The following ADGRL2 variants were observed in gnomAD, a reference collection of about 807,000 sequenced individuals.
ADGRL2 encodes the protein adhesion G protein-coupled receptor L2, also known as calcium-independent alpha-latrotoxin receptor 2.
In ADGRL2, 44 loss-of-function variants were observed where a neutral mutation model predicts 157.4. The observed-to-expected ratio is 0.28, with a 90% CI of 0.22 to 0.36. The LOEUF (loss-of-function observed/expected upper bound fraction) is 0.36, where lower values mean the gene tolerates loss of function less well. Ranked by LOEUF, ADGRL2 falls within the 10% of genes least tolerant of loss-of-function variation. The pLI is 1.00. For missense variants in ADGRL2, 1,510 were observed against 1,768.9 expected, an observed-to-expected ratio of 0.85 and a Z score of 2.63; for synonymous variants, 585 against 624.7, an observed-to-expected ratio of 0.94 and a Z score of 0.95.
intron 1 of ADGRL2, among the ~76,000 whole-genome samples, chr1:81,420,817 C>T (rs900208432): frequency 6.6e-6 from 1 of 152,140 alleles, no homozygotes; most frequent in African/African-American, 2.4e-5. Context: ...TCCCTAATAG[C>T]AGCTGCTTCT....
chr1:81,555,669 A>G (rs17421414), intron 2 of ADGRL2, among the ~76,000 whole-genome samples: 19,152 of 152,128 alleles, frequency 0.13, 1,220 homozygotes, highest in Non-Finnish European at 0.15. Context: ...GAGGTGTCAC[A>G]TGCTCTTTGT....
At chr1:81,600,128 C>T (rs17106784) in intron 3 of ADGRL2, among the ~76,000 whole-genome samples, 29,027 of 152,098 alleles carry the variant, frequency 0.19, 3,053 homozygotes, top group African/African-American at 0.26. Context: ...CAAAATCAGA[C>T]ATGCTGGTGA....
At chr1:81,557,366 T>C in intron 2 of ADGRL2, 1 of 176,456 alleles carries the variant, frequency 5.7e-6, no homozygotes, top group East Asian at 1.4e-4. Context: ...ATATTTTTTG[T>C]AAGAAAAAGC....
At chr1:81,699,456 C>T (rs561743319), upstream of ADGRL2, among the ~76,000 whole-genome samples, 2 of 152,234 alleles carry the variant, frequency 1.3e-5, no homozygotes, top group South Asian at 4.1e-4. Flanking sequence ...GTTAGTCGGG[C>T]CCAGTGCGTG....
At chr1:81,403,951 C>T (rs911169431) in intron 1 of ADGRL2, among the ~76,000 whole-genome samples, 63 of 152,136 alleles carry the variant, frequency 4.1e-4, no homozygotes, top group African/African-American at 1.4e-3. Context: ...GTGCGCACCA[C>T]CACACCCAGC....
intron 17 of ADGRL2, 69 bp downstream of exon 17, chr1:81,971,987 T>A (rs891766015): frequency 2.8e-5 from 14 of 505,174 alleles, no homozygotes; most frequent in Non-Finnish European, 4.4e-5. Flanking sequence ...ACAAGGATAA[T>A]TTGTTTTATT....
At chr1:81,982,271 G>T (rs1394850580) in intron 19 of ADGRL2, among the ~76,000 whole-genome samples, 2 of 151,908 alleles carry the variant, frequency 1.3e-5, no homozygotes, top group Non-Finnish European at 2.9e-5. Context: ...CAAGGTAAAA[G>T]AAAAGGTTAA....
intron 3 of ADGRL2, among the ~76,000 whole-genome samples, chr1:81,640,492 C>T (rs915769870): frequency 1.1e-4 from 16 of 151,886 alleles, no homozygotes; most frequent in Admixed American, 9.8e-4. Flanking sequence ...ATTAGCTGGG[C>T]GTGGTGGCGG....
intron 1 of ADGRL2, among the ~76,000 whole-genome samples, chr1:81,386,794 A>G (rs1352866548): frequency 3.9e-5 from 6 of 152,002 alleles, no homozygotes; most frequent in East Asian, 1.9e-4. Flanking sequence ...TCTTACATCA[A>G]CTCTGCTATT....
At chr1:81,376,585 T>A (rs997057588) in intron 1 of ADGRL2, among the ~76,000 whole-genome samples, 6 of 151,508 alleles carry the variant, frequency 4.0e-5, no homozygotes, top group Admixed American at 2.0e-4. Flanking sequence ...CCTTCCTTCC[T>A]TCTTTCCTTG....
chr1:81,973,629 G>A (rs1182956384), intron 17 of ADGRL2, among the ~76,000 whole-genome samples: 4 of 152,172 alleles, frequency 2.6e-5, no homozygotes, highest in Non-Finnish European at 5.9e-5. Context: ...AAAGGGTAAA[G>A]GACATTTTAT....
At chr1:81,696,807 T>C (rs934425815), upstream of ADGRL2, among the ~76,000 whole-genome samples, 2 of 152,038 alleles carry the variant, frequency 1.3e-5, no homozygotes, top group African/African-American at 2.4e-5. Flanking sequence ...GTTAACTCGA[T>C]TTTACCAGAA....
At chr1:81,613,609 TCTC>T (rs1367274897) in intron 3 of ADGRL2, among the ~76,000 whole-genome samples, 4 of 152,116 alleles carry the variant, frequency 2.6e-5, no homozygotes, top group Non-Finnish European at 4.4e-5. Context: ...TGAAGAAAAT[TCTC>T]CTACTGCGGG....
intron 1 of ADGRL2, among the ~76,000 whole-genome samples, chr1:81,338,372 A>AACAAAACAAAAC (rs71088205): frequency 0.36 from 54,730 of 150,950 alleles, 10,281 homozygotes; most frequent in African/African-American, 0.44. Flanking sequence ...CAAAAAACAA[A>AACAAAACAAAAC]ACAAAACAAA....
intron 1 of ADGRL2, among the ~76,000 whole-genome samples, chr1:81,394,514 T>A (rs113064123): frequency 9.8e-5 from 15 of 152,302 alleles, no homozygotes; most frequent in African/African-American, 3.6e-4. Context: ...CCTCCAAGCT[T>A]ATATATGTTG....
At chr1:81,942,877 A>T (rs568536279) in intron 5 of ADGRL2, 92 bp from the exon 6 acceptor site, 113 of 925,222 alleles carry the variant, frequency 1.2e-4, no homozygotes, top group Middle Eastern at 1.1e-3. Flanking sequence ...AATAATATGA[A>T]TTTTTCCCTT....
intron 1 of ADGRL2, among the ~76,000 whole-genome samples, chr1:81,363,383 G>T (rs905905367): frequency 6.6e-6 from 1 of 151,892 alleles, no homozygotes; most frequent in Non-Finnish European, 1.5e-5. Flanking sequence ...CTTCTCTAGA[G>T]GTGTCTATAC....
chr1:81,751,426 A>G lies in ADGRL2; in HGVS notation c.-142-10385A>G, dbSNP rs774827946. On this transcript the variant is annotated intron_variant, in intron 1 of 20. Transcript: ENST00000359929. ...CTTTTGTGATTTTTCCGCCAAAGAG[A>G]GGAAACCTGAATCTGATAATGAGAA... Among the ~76,000 whole-genome samples the G allele has an allele frequency of 2.0e-5, 3 of 152,304 alleles. No homozygotes were observed. In the South Asian group the frequency reaches 6.2e-4, roughly 32 times the overall value.
rs34269882 is a variant in ADGRL2, at chr1:81,789,701, C to CA, written c.-101+27869dup. ...CTGGTGACAGAGCGAGTCTCCGTCT[C>CA]AAAAAAAAAAAAAAAAAAAAGAAAT... On this transcript the variant is annotated intron_variant, in intron 2 of 20. Transcript: ENST00000359929. Among the ~76,000 whole-genome samples, 174 of 88,344 alleles carry CA rather than the reference C, an allele frequency of 2.0e-3. 2 individuals carry two copies. The highest frequency in any genetic ancestry group is 6.4e-3 in the East Asian group (18 of 2,808). 58.0% of individuals were successfully genotyped at this position (88,344 alleles called of 152,430 possible). A position where few individuals can be genotyped will look rare whatever the true frequency, so the allele number is the denominator to read the frequency against.
Sources: gnomAD v4.1 joint callset for allele counts (sites outside exome capture counted in the v4.1 genomes callset) on GRCh38, gnomAD v4.1.1 for gene constraint, MANE v1.5 for transcripts, NCBI Gene and HGNC (gene_info 2026-07-23, HGNC 2026-07-21) for gene names.